The following HS6ST2 variants were observed in gnomAD, a reference collection of about 807,000 sequenced individuals.
HS6ST2 encodes the protein heparan-sulfate 6-O-sulfotransferase 2.
In HS6ST2, 17 loss-of-function variants were observed where a neutral mutation model predicts 33.0. The ratio of observed to expected loss-of-function variants is 0.52; its 90% CI spans 0.35 to 0.77. HS6ST2 has a LOEUF of 0.77. Ranked by LOEUF, HS6ST2 falls within the 30% of genes least tolerant of loss-of-function variation. HS6ST2 has a pLI of 0.01. For synonymous variants in HS6ST2, 248 were observed against 237.1 expected, an observed-to-expected ratio of 1.05 and a Z score of -0.42; for missense variants, 519 against 551.7, an observed-to-expected ratio of 0.94 and a Z score of 0.59.
chrX:132,754,479 C>A (rs1478836248), intron 2 of HS6ST2, among the ~76,000 whole-genome samples: 1 of 104,591 alleles, frequency 9.6e-6, no homozygotes, highest in African/African-American at 3.5e-5. Context: ...TGCAGTGGAG[C>A]AATCTTGACT....
chrX:132,773,034 T>TATA (rs755138161), intron 2 of HS6ST2, among the ~76,000 whole-genome samples: 1,031 of 93,171 alleles, frequency 0.011, 18 homozygotes, highest in African/African-American at 0.04. Context: ...AGATTATATA[T>TATA]ATGTTTATAT....
chrX:132,940,592 G>T (rs1309390921), intron 2 of HS6ST2, among the ~76,000 whole-genome samples: 1 of 111,488 alleles, frequency 9.0e-6, no homozygotes, highest in Admixed American at 9.5e-5. Context: ...AAAAGAAAAA[G>T]AAATAACACA....
At chrX:132,943,708 A>G (rs1344203806) in intron 2 of HS6ST2, among the ~76,000 whole-genome samples, 1 of 111,485 alleles carries the variant, frequency 9.0e-6, no homozygotes. Context: ...TTCAACATAC[A>G]CAAATCAATA....
chrX:132,945,083 G>A (rs2066934566), intron 2 of HS6ST2, among the ~76,000 whole-genome samples: 1 of 111,789 alleles, frequency 8.9e-6, no homozygotes, highest in South Asian at 3.8e-4. Flanking sequence ...CAGAATGGGG[G>A]AAAATTTTTG....
intron 2 of HS6ST2, among the ~76,000 whole-genome samples, chrX:132,860,286 T>C (rs1046170891): frequency 4.5e-5 from 5 of 112,069 alleles, no homozygotes; most frequent in Non-Finnish European, 7.5e-5. Flanking sequence ...ATGGGCTTTT[T>C]CCAAGTCCAG....
chrX:132,741,123 A>G (rs1013107752), intron 2 of HS6ST2, among the ~76,000 whole-genome samples: 1 of 111,362 alleles, frequency 9.0e-6, no homozygotes, highest in Non-Finnish European at 1.9e-5. Context: ...CTCTTGCACT[A>G]TGGGAACCCT....
At chrX:132,841,755 C>T (rs2065708614) in intron 2 of HS6ST2, among the ~76,000 whole-genome samples, 1 of 112,070 alleles carries the variant, frequency 8.9e-6, no homozygotes, top group Non-Finnish European at 1.9e-5. Flanking sequence ...TCCAGCTTTG[C>T]TGATTTGTTT....
intron 2 of HS6ST2, among the ~76,000 whole-genome samples, chrX:132,755,016 C>G (rs775485701): frequency 6.3e-5 from 7 of 111,633 alleles, no homozygotes; most frequent in Non-Finnish European, 1.3e-4. Context: ...CTGGCCCATA[C>G]TATACTCTTT....
intron 2 of HS6ST2, among the ~76,000 whole-genome samples, chrX:132,869,374 C>G: frequency 8.9e-6 from 1 of 111,861 alleles, no homozygotes; most frequent in Non-Finnish European, 1.9e-5. Flanking sequence ...TGAAACTATT[C>G]CAATCAATAG....
At chrX:132,839,890 G>A (rs917253188) in intron 2 of HS6ST2, among the ~76,000 whole-genome samples, 2 of 110,841 alleles carry the variant, frequency 1.8e-5, no homozygotes, top group Admixed American at 9.6e-5. Context: ...GCCGAGACAC[G>A]TAAATCACTT....
At chrX:132,701,065 A>T in intron 3 of HS6ST2, among the ~76,000 whole-genome samples, 1 of 112,146 alleles carries the variant, frequency 8.9e-6, no homozygotes, top group Middle Eastern at 4.6e-3. Context: ...AGCAAGCCAA[A>T]AATTCAGCGA....
intron 2 of HS6ST2, among the ~76,000 whole-genome samples, chrX:132,770,081 T>C (rs1044881557): frequency 2.7e-5 from 3 of 112,149 alleles, no homozygotes; most frequent in East Asian, 5.6e-4. Context: ...GGAAACATCA[T>C]TACCAAAGCA....
chrX:132,685,709 T>A lies in HS6ST2; in HGVS notation c.981-16510A>T, dbSNP rs966467505. On this transcript the variant is annotated intron_variant, in intron 3 of 4. Transcript: ENST00000370833. The stretch of plus-strand genomic sequence containing the variant: ...CCCCCAACCATAGGACCCAGTCTGA[T>A]CATCCAATTAGTACATCATCATTAC... Among the ~76,000 whole-genome samples the A allele has an allele frequency of 2.7e-5, 3 of 111,607 alleles. No homozygotes were observed. The East Asian group carries it at 8.5e-4, about 32-fold the overall frequency.
At chrX:132,926,153 G>A (rs977913953) in intron 2 of HS6ST2, among the ~76,000 whole-genome samples, 1 of 112,551 alleles carries the variant, frequency 8.9e-6, no homozygotes, top group African/African-American at 3.2e-5. Context: ...ACTTCTCCAC[G>A]AACAACTGTG....
chrX:132,857,765 CTT>C (rs2065867840), intron 2 of HS6ST2, among the ~76,000 whole-genome samples: 1 of 111,613 alleles, frequency 9.0e-6, no homozygotes, highest in African/African-American at 3.3e-5. Context: ...ACGGCACAGA[CTT>C]TTGTCTGTTT....
intron 3 of HS6ST2, 143 bp from the exon 4 acceptor site, chrX:132,669,342 CT>C: frequency 7.1e-6 from 3 of 419,697 alleles, no homozygotes; most frequent in Non-Finnish European, 1.2e-5. Flanking sequence ...CTCTCTCTCT[CT>C]CTCCTGTCAA....
chrX:132,864,894 G>C (rs1328966192), intron 2 of HS6ST2, among the ~76,000 whole-genome samples: 3 of 111,763 alleles, frequency 2.7e-5, no homozygotes, highest in Admixed American at 1.9e-4. Context: ...AAGCCCATCA[G>C]ACTAACAGCA....
intron 2 of HS6ST2, among the ~76,000 whole-genome samples, chrX:132,841,805 T>C (rs1241524572): frequency 8.9e-6 from 1 of 112,200 alleles, no homozygotes; most frequent in Non-Finnish European, 1.9e-5. Flanking sequence ...AATTAGTCAA[T>C]TATTTTTATA....
chrX:132,676,475 A>G (rs1165654607), intron 3 of HS6ST2, among the ~76,000 whole-genome samples: 1 of 112,711 alleles, frequency 8.9e-6, no homozygotes, highest in East Asian at 2.8e-4. Context: ...GTGAGTTTCC[A>G]TTATGAAAAT....
Sources: gnomAD v4.1 joint callset for allele counts (sites outside exome capture counted in the v4.1 genomes callset) on GRCh38, gnomAD v4.1.1 for gene constraint, MANE v1.5 for transcripts, NCBI Gene and HGNC (gene_info 2026-07-23, HGNC 2026-07-21) for gene names.